NPHP3: variants seen among roughly 807,000 people sequenced by gnomAD.
NPHP3 encodes the protein nephrocystin 3.
NPHP3 carries 123 observed loss-of-function variants against 171.9 expected under a neutral mutation model. The observed-to-expected ratio is 0.72, with a 90% confidence interval of 0.62 to 0.83. The LOEUF (loss-of-function observed/expected upper bound fraction) is 0.83. NPHP3 is among the 40% of genes least tolerant of loss of function. The pLI, the probability that NPHP3 is intolerant of heterozygous loss-of-function variation, is 0.00. For synonymous variants in NPHP3, 558 were observed against 579.2 expected (o/e 0.96, Z 0.52); for missense variants, 1,506 against 1,591.9 (o/e 0.95, Z 0.92).
In NPHP3 at chr3:132,704,380, A is replaced by T; in HGVS notation, c.1351-9T>A. On this transcript the variant is annotated splice_polypyrimidine_tract_variant and intron_variant, in intron 8 of 26. Coordinates refer to ENST00000337331, the MANE Select transcript of NPHP3 (RefSeq NM_153240.5). ...TCAAAACCCAGTATGTCCTAAACAC[A>T]AAGAACAACCACACAAAAATGAATG... 2 of 1,614,132 alleles carry T rather than the reference A, an allele frequency of 1.2e-6. No individual in the cohort carries two copies. The highest frequency in any genetic ancestry group is 1.7e-6 in the Non-Finnish European group (2 of 1,179,982).
chr3:132,719,806 T>C lies in NPHP3; in HGVS notation c.418A>G (p.Ile140Val). 6.3e-7 allele frequency: 1 copy of C among 1,596,802 alleles called. No individual in the cohort carries two copies. The highest frequency in any genetic ancestry group is 1.3e-5 in the African/African-American group (1 of 74,834). ...AAAGCACTTTCTTTTTCTCGAAGTA[T>C]CTTCTGATACGTTTTTTGAAGTGCC... Reference protein sequence around the residue: ...LQALQKTYQKILREKESALEA... With the variant: ...LQALQKTYQKVLREKESALEA... Residue 140 changes from isoleucine to valine, a missense_variant, in exon 2 of 27, where the codon ATA (isoleucine) becomes GTA (valine). By Grantham distance (29) the Ile-to-Val change is conservative (BLOSUM62 3). Coordinates refer to ENST00000337331, the MANE Select transcript of NPHP3 (RefSeq NM_153240.5).
At chr3:132,693,212 G>A in intron 16 of NPHP3, 1 of 193,540 alleles carries the variant, frequency 5.2e-6, no homozygotes, top group Non-Finnish European at 1.1e-5. Context: ...TAAATAAAGG[G>A]AAATCCTCCA....
chr3:132,695,721 C>T (rs1437362239), intron 15 of NPHP3, among the ~76,000 whole-genome samples: 1 of 152,004 alleles, frequency 6.6e-6, no homozygotes. Flanking sequence ...ATTGCTTGAG[C>T]CCAGGAGTTC....
chr3:132,722,086 C>T lies in NPHP3; in HGVS notation c.270G>A (p.Glu90=). ...SVPELEYAAA[E]YERLRKEYEI... The stretch of plus-strand genomic sequence containing the variant: ...CGTACTCCTTCCTGAGCCGCTCGTA[C>T]TCGGCCGCCGCGTACTCCAGCTCTG... Residue 90 remains glutamate (E), a synonymous_variant, in exon 1 of 27, where the codon GAG becomes GAA. Coordinates refer to ENST00000337331, the MANE Select transcript of NPHP3 (RefSeq NM_153240.5). 1.2e-6 allele frequency: 2 copies of T among 1,610,586 alleles called. No homozygotes were observed. The highest frequency in any genetic ancestry group is 1.7e-6 in the Non-Finnish European group (2 of 1,179,846).
chr3:132,694,853 C>T lies in NPHP3; in HGVS notation c.2284G>A (p.Asp762Asn). The T allele has an allele frequency of 6.2e-7, 1 of 1,613,646 alleles. No individual in the cohort carries two copies. Among genetic ancestry groups the T allele is most frequent in the South Asian group, 1.1e-5 (1 of 91,080 alleles). Residue 762 changes from aspartate to asparagine, a missense_variant, in exon 16 of 27, where the codon GAT becomes AAT. Coordinates refer to ENST00000337331, the MANE Select transcript of NPHP3 (RefSeq NM_153240.5). ...LHSIRESMAN[D>N]VDKELMKQIL... ...TGCTTCATTAGCTCTTTATCCACAT[C>T]ATTTGCCATGGACTCCCGGATAGAG...
chr3:132,702,442 G>A (rs1939637106), intron 9 of NPHP3, among the ~76,000 whole-genome samples: 1 of 151,954 alleles, frequency 6.6e-6, no homozygotes, highest in African/African-American at 2.4e-5. Flanking sequence ...TATTTCCCAA[G>A]TTTTCCCCAG....
chr3:132,721,538 AG>A (rs1193399570), intron 1 of NPHP3: 2 of 311,490 alleles, frequency 6.4e-6, no homozygotes, highest in African/African-American at 4.4e-5. Flanking sequence ...CAGCCTTCTG[AG>A]GGGGTGGGCG....
At chr3:132,720,661 A>G (rs1940184019) in intron 1 of NPHP3, among the ~76,000 whole-genome samples, 1 of 151,478 alleles carries the variant, frequency 6.6e-6, no homozygotes, top group Admixed American at 6.6e-5. Context: ...AAAAACAAAA[A>G]CAACAACAAC....
intron 15 of NPHP3, chr3:132,695,292 C>CGAT (rs1454906738): frequency 8.6e-6 from 2 of 232,038 alleles, no homozygotes; most frequent in African/African-American, 2.3e-5. Context: ...AGCAGGGAAA[C>CGAT]GATGATAAGT....
At chr3:132,686,816 G>A (rs921849484) in intron 22 of NPHP3, among the ~76,000 whole-genome samples, 5 of 152,052 alleles carry the variant, frequency 3.3e-5, no homozygotes, top group Admixed American at 2.0e-4. Flanking sequence ...GTGTATTTGA[G>A]GGGAAGGCTT....
intron 6 of NPHP3, among the ~76,000 whole-genome samples, chr3:132,712,087 T>C (rs1193945342): frequency 6.6e-6 from 1 of 152,074 alleles, no homozygotes; most frequent in Non-Finnish European, 1.5e-5. Context: ...ACTTATTTTG[T>C]CCTTTATCTC....
In NPHP3 at chr3:132,704,216, A is replaced by G. The variant is rs758798377; in HGVS notation, c.1506T>C (p.His502=). 4.3e-6 allele frequency: 7 copies of G among 1,613,792 alleles called. No individual in the cohort carries two copies. The East Asian group carries it at 1.6e-4, about 36-fold the overall frequency. Residue 502 remains histidine (H), a synonymous_variant, in exon 9 of 27, where the codon CAT becomes CAC. Transcript: ENST00000337331. ...ETFQQASNSA[H]ELGFEKYYQR... ...CACTTACTTTCTCAAATCCCAACTC[A>G]TGGGCTGAATTAGAAGCCTGCTGAA...
intron 8 of NPHP3, 34 bp from the exon 9 acceptor site, chr3:132,704,405 G>C (rs771167949): frequency 6.2e-7 from 1 of 1,613,230 alleles, no homozygotes; most frequent in South Asian, 1.1e-5. Flanking sequence ...AAAAATGAAT[G>C]AAGAAAATAA....
Position 132,688,536 on chromosome 3 carries a change from T to C in NPHP3, c.3125+114A>G, listed in dbSNP as rs1171743652. ...TTTTCTCTGTTTACCACATGAAGAC[T>C]AGGCACAGGGTAAGGAAAAGTACAC... On this transcript the variant is annotated intron_variant, in intron 21 of 26. Transcript: ENST00000337331. The C allele has an allele frequency of 1.6e-5, 18 of 1,123,994 alleles. No homozygotes were observed. In the East Asian group the frequency reaches 2.4e-4, roughly 15 times the overall value. 69.6% of individuals were successfully genotyped at this position (1,123,994 alleles called of 1,614,324 possible). A position where few individuals can be genotyped will look rare whatever the true frequency, so the allele number is the denominator to read the frequency against.
At chr3:132,705,329 CT>C (rs1435757783) in intron 8 of NPHP3, among the ~76,000 whole-genome samples, 2 of 152,128 alleles carry the variant, frequency 1.3e-5, no homozygotes, top group African/African-American at 4.8e-5. Context: ...TCTCACCCCC[CT>C]GGAGGCATGC....
chr3:132,719,693 TA>T lies in NPHP3; in HGVS notation c.519+11del, dbSNP rs2108003644. 6.5e-7 allele frequency: 1 copy of T among 1,537,060 alleles called. No individual in the cohort carries two copies. Among genetic ancestry groups the T allele is most frequent in the Non-Finnish European group, 8.8e-7 (1 of 1,136,774 alleles). Reference sequence around the variant, plus strand: ...CTATGTTGCTTTGGGGGTAAAAATGTAAGGAATTTACCTTGAATTGCCTTTT... The same window carrying T: ...CTATGTTGCTTTGGGGGTAAAAATGTAGGAATTTACCTTGAATTGCCTTTT... On this transcript the variant is annotated intron_variant, in intron 2 of 26. Coordinates refer to ENST00000337331, the MANE Select transcript of NPHP3 (RefSeq NM_153240.5).
Position 132,687,238 on chromosome 3 carries a change from AT to A in NPHP3, c.3126-13del. On this transcript the variant is annotated splice_polypyrimidine_tract_variant and intron_variant, in intron 21 of 26. Coordinates refer to ENST00000337331, the MANE Select transcript of NPHP3 (RefSeq NM_153240.5). ...CAGCTTGTTCATATCTTAAAAAAAA[AT>A]TACAGTAAGTCAAACAAAAGAAACA... 1 of 1,126,834 alleles carries A rather than the reference AT, an allele frequency of 8.9e-7. No individual in the cohort carries two copies. Among genetic ancestry groups the A allele is most frequent in the Non-Finnish European group, 1.3e-6 (1 of 744,194 alleles). 69.8% of individuals were successfully genotyped at this position (1,126,834 alleles called of 1,614,324 possible). A position where few individuals can be genotyped will look rare whatever the true frequency, so the allele number is the denominator to read the frequency against.
Position 132,715,082 on chromosome 3 carries a change from C to T in NPHP3, c.957+3G>A, listed in dbSNP as rs1940014227. 6.2e-7 allele frequency: 1 copy of T among 1,609,028 alleles called. No individual in the cohort carries two copies. The highest frequency in any genetic ancestry group is 8.5e-7 in the Non-Finnish European group (1 of 1,175,758). On this transcript the variant is annotated splice_donor_region_variant and intron_variant, in intron 5 of 26. Transcript: ENST00000337331. ...TTGATACAGAATTTATAAATATCCT[C>T]ACCTTAAGGAAAAGATCCATCTCAG... is the stretch of plus-strand genomic sequence containing the variant.
chr3:132,711,419 AG>A (rs1264219683), intron 6 of NPHP3, among the ~76,000 whole-genome samples: 1 of 152,174 alleles, frequency 6.6e-6, no homozygotes, highest in Non-Finnish European at 1.5e-5. Flanking sequence ...TTTTACTAAA[AG>A]GGGATAAACT....
Sources: gnomAD v4.1 joint callset for allele counts (sites outside exome capture counted in the v4.1 genomes callset) on GRCh38, gnomAD v4.1.1 for gene constraint, MANE v1.5 for transcripts, NCBI Gene and HGNC (gene_info 2026-07-23, HGNC 2026-07-21) for gene names.